TGM3: variants seen among roughly 807,000 people sequenced by gnomAD.
The protein encoded by TGM3 is transglutaminase 3.
Under a neutral mutation model 73.8 loss-of-function variants are expected in TGM3, and 52 were observed. The observed-to-expected ratio is 0.70, with a 90% CI of 0.56 to 0.89. TGM3 has a LOEUF of 0.89. TGM3 is among the 40% of genes least tolerant of loss of function. The probability of loss-of-function intolerance (pLI) is 0.00; values close to 1 mark genes in which losing one functional copy is unlikely to be tolerated. For missense variants in TGM3, 928 were observed against 909.9 expected (o/e 1.02, Z -0.26); for synonymous variants, 372 against 354.9 (o/e 1.05, Z -0.54).
At chr20:2,335,938 A>G (rs1356349520) in intron 11 of TGM3, among the ~76,000 whole-genome samples, 2 of 152,262 alleles carry the variant, frequency 1.3e-5, no homozygotes, top group African/African-American at 4.8e-5. Flanking sequence ...TAGGCCTCAG[A>G]ACCTGGGACT....
intron 5 of TGM3, among the ~76,000 whole-genome samples, chr20:2,313,683 G>A (rs916834053): frequency 1.3e-5 from 2 of 151,782 alleles, no homozygotes; most frequent in South Asian, 2.1e-4. Flanking sequence ...ACACACACAC[G>A]AGCTAGATCC....
At chr20:2,301,953 G>A (rs558239056) in intron 1 of TGM3, among the ~76,000 whole-genome samples, 89 of 152,226 alleles carry the variant, frequency 5.8e-4, no homozygotes, top group African/African-American at 1.8e-3. Flanking sequence ...TTCCTGCCTC[G>A]GCCTCCCAAA....
chr20:2,317,067 G>C lies in TGM3; in HGVS notation c.670-1G>C. 1 of 1,613,610 alleles carries C rather than the reference G, an allele frequency of 6.2e-7. No individual in the cohort carries two copies. Among genetic ancestry groups the C allele is most frequent in the Non-Finnish European group, 8.5e-7 (1 of 1,179,980 alleles). The stretch of plus-strand genomic sequence containing the variant: ...ATTTTGGGGGGGTGGTTTCTGCCCA[G>C]ATCAATAGCAATGATGACAATGGTG... On this transcript the variant is annotated splice_acceptor_variant, in intron 5 of 12. Transcript: ENST00000381458. LOFTEE classifies it high-confidence loss of function.
intron 5 of TGM3, among the ~76,000 whole-genome samples, chr20:2,314,376 G>T (rs867294158): frequency 5.3e-5 from 8 of 151,890 alleles, no homozygotes; most frequent in African/African-American, 1.9e-4. Flanking sequence ...AGATCAACCT[G>T]CTCAAAAGTT....
At position 2,317,377 on chromosome 20, in the gene TGM3, G is replaced by A. The variant is rs146568830; in HGVS notation, c.875G>A (p.Arg292Gln). The part of the protein sequence containing the change: ...TALRSLGIPS[R>Q]VITNFNSAHD... The stretch of plus-strand genomic sequence containing the variant: ...CTGCGGTCTTTGGGGATTCCTTCCC[G>A]GGTGATCACCAACTTCAACTCAGCT... The change falls in exon 7 of 13, where the codon CGG becomes CAG. Residue 292 changes from arginine (R) to glutamine (Q), a missense_variant. Physicochemically the swap from Arg to Gln is conservative, Grantham distance 43. Coordinates refer to ENST00000381458, the MANE Select transcript of TGM3 (RefSeq NM_003245.4). 8.1e-6 allele frequency: 13 copies of A among 1,614,154 alleles called. No individual in the cohort carries two copies. Among genetic ancestry groups the A allele is most frequent in the African/African-American group, 5.3e-5 (4 of 75,050 alleles).
At position 2,321,748 on chromosome 20, in the gene TGM3, CAG is replaced by C; in HGVS notation, c.984-4100_984-4099del. ...GAGCCCGAGGTTGGGGGGTGGGAGA[CAG>C]CGTGGCACACAACCAGAAACCCACA... On this transcript the variant is annotated intron_variant, in intron 7 of 12. Transcript: ENST00000381458. Among the ~76,000 whole-genome samples the C allele has an allele frequency of 3.3e-5, 5 of 152,266 alleles. No individual in the cohort carries two copies. The South Asian group carries it at 1.0e-3, about 32-fold the overall frequency.
chr20:2,341,042 C>G lies in TGM3; in HGVS notation c.*461C>G, dbSNP rs1234885792. The stretch of plus-strand genomic sequence containing the variant: ...AGTCACCTGCCCCAGCACTCACACC[C>G]TAACTCAAAATAAATGTTAAATAAG... On this transcript the variant is annotated 3_prime_UTR_variant, in exon 13 of 13. Transcript: ENST00000381458. The G allele has an allele frequency of 2.3e-6, 1 of 430,734 alleles. No homozygotes were observed. The highest frequency in any genetic ancestry group is 7.1e-5 in the East Asian group (1 of 14,070). The allele number at this position is 430,734 out of a possible 1,614,324, so 26.7% of individuals were successfully genotyped here. A position where few individuals can be genotyped will look rare whatever the true frequency, so the allele number is the denominator to read the frequency against.
chr20:2,336,831 A>G (rs2084353802), intron 11 of TGM3, among the ~76,000 whole-genome samples: 1 of 151,692 alleles, frequency 6.6e-6, no homozygotes, highest in Non-Finnish European at 1.5e-5. Context: ...CAGGTCCCTT[A>G]ATCTGAGTCT....
rs188148212 is a variant in TGM3, at chr20:2,329,839, G to C, written c.1333+1474G>C. 1.1e-3 allele frequency among the ~76,000 whole-genome samples: 171 copies of C among 152,292 alleles called. 2 individuals carry two copies. Among genetic ancestry groups the C allele is most frequent in the Non-Finnish European group, 6.9e-4 (47 of 68,032 alleles). On this transcript the variant is annotated intron_variant, in intron 9 of 12. Transcript: ENST00000381458. ...TGCCAAGTGCAATGCCTGGCATATA[G>C]TCAAGACTTGATAAATAGCAGTGGT...
Position 2,325,896 on chromosome 20 carries a change from G to C in TGM3, c.1031G>C (p.Gly344Ala). ...NEGWFVRSDLGPSYGGWQVLD... is the reference protein window; with the variant it reads ...NEGWFVRSDLAPSYGGWQVLD... Reference sequence around the variant, plus strand: ...GGCTGGTTTGTGAGGTCTGACCTGGGCCCCTCGTACGGTGGATGGCAGGTG... The same window carrying C: ...GGCTGGTTTGTGAGGTCTGACCTGGCCCCCTCGTACGGTGGATGGCAGGTG... The change falls in exon 8 of 13, where the codon GGC becomes GCC. Residue 344 changes from glycine (G) to alanine (A), a missense_variant. Coordinates refer to ENST00000381458, the MANE Select transcript of TGM3 (RefSeq NM_003245.4). The C allele has an allele frequency of 6.3e-7, 1 of 1,590,104 alleles. No individual in the cohort carries two copies. The highest frequency in any genetic ancestry group is 8.6e-7 in the Non-Finnish European group (1 of 1,167,144).
intron 1 of TGM3, among the ~76,000 whole-genome samples, chr20:2,300,133 AAAGAAAGGAAT>A (rs1375384817): frequency 6.6e-5 from 10 of 151,304 alleles, no homozygotes; most frequent in Non-Finnish European, 1.2e-4. Context: ...AGAAAGGAAG[AAAGAAAGGAAT>A]GGAGGGAGGG....
intron 8 of TGM3, among the ~76,000 whole-genome samples, chr20:2,327,858 G>A (rs985646369): frequency 6.6e-6 from 1 of 152,214 alleles, no homozygotes; most frequent in Non-Finnish European, 1.5e-5. Flanking sequence ...AACAGACCAA[G>A]GACAGTGGGT....
intron 1 of TGM3, among the ~76,000 whole-genome samples, chr20:2,306,417 A>G (rs946604950): frequency 2.0e-5 from 3 of 147,974 alleles, no homozygotes; most frequent in African/African-American, 7.5e-5. Context: ...CTAAAAATAT[A>G]TATTTCCAGA....
intron 4 of TGM3, among the ~76,000 whole-genome samples, chr20:2,312,558 C>A (rs947373039): frequency 2.0e-5 from 3 of 152,136 alleles, no homozygotes; most frequent in Non-Finnish European, 2.9e-5. Context: ...GACCAAGCCA[C>A]CTCCCATGCA....
intron 5 of TGM3, 93 bp downstream of exon 5, chr20:2,313,119 C>T (rs1213557097): frequency 1.3e-6 from 2 of 1,527,820 alleles, no homozygotes; most frequent in Non-Finnish European, 1.8e-6. Context: ...TATGTCATCT[C>T]ATTAAAGCCT....
At chr20:2,336,027 C>A (rs931761437) in intron 11 of TGM3, among the ~76,000 whole-genome samples, 2 of 152,236 alleles carry the variant, frequency 1.3e-5, no homozygotes, top group African/African-American at 4.8e-5. Context: ...AGAACAAAGA[C>A]CCCTCTTTCT....
At chr20:2,320,438 G>T (rs1421613778) in intron 7 of TGM3, among the ~76,000 whole-genome samples, 1 of 152,202 alleles carries the variant, frequency 6.6e-6, no homozygotes, top group Non-Finnish European at 1.5e-5. Context: ...GAAGTAACTT[G>T]TCTAAGGGTA....
intron 7 of TGM3, among the ~76,000 whole-genome samples, chr20:2,322,501 C>T (rs199883253): frequency 3.9e-5 from 6 of 152,136 alleles, no homozygotes; most frequent in Admixed American, 2.6e-4. Context: ...ATTTCAAATA[C>T]GTCGTAAGTG....
Position 2,328,396 on chromosome 20 carries a change from G to T in TGM3, c.1333+31G>T, listed in dbSNP as rs749794462. 1 of 1,612,398 alleles carries T rather than the reference G, an allele frequency of 6.2e-7. No homozygotes were observed. Among genetic ancestry groups the T allele is most frequent in the Non-Finnish European group, 8.5e-7 (1 of 1,179,114 alleles). The stretch of plus-strand genomic sequence containing the variant: ...AGGGACGCTGGCGGGGCAGTGCCGC[G>T]AGAGGTTCTATTGTGGGAGGATGGC... On this transcript the variant is annotated intron_variant, in intron 9 of 12. Coordinates refer to ENST00000381458, the MANE Select transcript of TGM3 (RefSeq NM_003245.4). The surrounding 1 kb of genome is among the most constrained non-coding windows in gnomAD (Gnocchi z 5.2).
Sources: gnomAD v4.1 joint callset for allele counts (sites outside exome capture counted in the v4.1 genomes callset) on GRCh38, gnomAD v4.1.1 for gene constraint, Gnocchi (gnomAD v3.1) non-coding constraint, MANE v1.5 for transcripts, NCBI Gene and HGNC (gene_info 2026-07-23, HGNC 2026-07-21) for gene names.